PLS3: variants seen among roughly 807,000 people sequenced by gnomAD.
PLS3 encodes the protein plastin-3.
A neutral mutation model predicts 46.5 loss-of-function variants in PLS3; 11 were observed. That is an observed-to-expected ratio of 0.24 (90% CI 0.15 to 0.39). The LOEUF is 0.39. Among genes scored for constraint, PLS3 ranks in the 10% least tolerant of loss-of-function variants. The pLI is 1.00. For synonymous variants in PLS3, 167 were observed against 162.2 expected, an observed-to-expected ratio of 1.03 and a Z score of -0.22; for missense variants, 308 against 461.8, an observed-to-expected ratio of 0.67 and a Z score of 3.05.
chrX:115,600,501 T>G (rs1446043655), intron 1 of PLS3, among the ~76,000 whole-genome samples: 1 of 112,010 alleles, frequency 8.9e-6, no homozygotes, highest in African/African-American at 3.2e-5. Context: ...AAGTTTAGAC[T>G]GTTCTCCAGA....
At chrX:115,569,409 G>A (rs141638601) in intron 1 of PLS3, among the ~76,000 whole-genome samples, 232 of 111,754 alleles carry the variant, frequency 2.1e-3, no homozygotes, top group African/African-American at 7.3e-3. Context: ...ATGACTATTT[G>A]CTGATATGCC....
At chrX:115,591,226 C>T (rs979775878) in intron 1 of PLS3, among the ~76,000 whole-genome samples, 5 of 112,449 alleles carry the variant, frequency 4.4e-5, no homozygotes, top group African/African-American at 1.6e-4. Flanking sequence ...ATGTCTATTC[C>T]TAGAACTTTA....
intron 8 of PLS3, among the ~76,000 whole-genome samples, chrX:115,638,111 A>AT (rs58784493): frequency 0.21 from 22,689 of 106,054 alleles, 2,476 homozygotes; most frequent in South Asian, 0.43. Flanking sequence ...AGCCCGATTG[A>AT]TTTTTTTTTC....
chrX:115,562,428 GTGCAGAAGGTTGAACTTT>G (rs1449822146), intron 1 of PLS3: 38 of 112,073 alleles, frequency 3.4e-4, no homozygotes, highest in Non-Finnish European at 4.3e-4. Context: ...ATCCCCAGTG[GTGCAGAAGGTTGAACTTT>G]TGCAGAAGGT....
chrX:115,648,939 T>C (rs2074978265), intron 15 of PLS3, among the ~76,000 whole-genome samples: 1 of 111,597 alleles, frequency 9.0e-6, no homozygotes, highest in Non-Finnish European at 1.9e-5. Flanking sequence ...TTCTAGTTTT[T>C]GGTCCAGCCA....
intron 10 of PLS3, 30 bp from the exon 11 acceptor site, chrX:115,644,991 A>G (rs369555927): frequency 2.1e-5 from 19 of 914,975 alleles, no homozygotes; most frequent in Non-Finnish European, 2.7e-5. Context: ...TGTTTAATGA[A>G]TCAGTAAATT....
At chrX:115,596,198 C>A (rs147650330) in intron 1 of PLS3, among the ~76,000 whole-genome samples, 2 of 111,791 alleles carry the variant, frequency 1.8e-5, no homozygotes, top group African/African-American at 6.5e-5. Flanking sequence ...AATGTGAAGA[C>A]GTTATTGAAC....
intron 1 of PLS3, among the ~76,000 whole-genome samples, chrX:115,592,862 G>C (rs782122892): frequency 7.2e-5 from 8 of 111,184 alleles, no homozygotes; most frequent in African/African-American, 2.0e-4. Context: ...TTAATAAAGT[G>C]TGGAGCCAGA....
intron 1 of PLS3, among the ~76,000 whole-genome samples, chrX:115,585,701 T>C (rs1469531493): frequency 3.6e-5 from 4 of 111,161 alleles, no homozygotes; most frequent in Admixed American, 9.7e-5. Context: ...AAAAACTTAT[T>C]TTTATGGAAT....
chrX:115,567,149 T>C (rs1403886333), intron 1 of PLS3, among the ~76,000 whole-genome samples: 1 of 112,038 alleles, frequency 8.9e-6, no homozygotes, highest in Non-Finnish European at 1.9e-5. Flanking sequence ...TTTAGTTTTG[T>C]GATTGCCCAT....
chrX:115,630,672 CTA>C (rs201131129), intron 5 of PLS3, among the ~76,000 whole-genome samples: 7 of 96,705 alleles, frequency 7.2e-5, no homozygotes, highest in African/African-American at 1.9e-4. Flanking sequence ...TTTCAGATAA[CTA>C]TATATATATA....
intron 1 of PLS3, among the ~76,000 whole-genome samples, chrX:115,585,971 G>A (rs1312986129): frequency 9.1e-6 from 1 of 109,729 alleles, no homozygotes; most frequent in Admixed American, 9.8e-5. Flanking sequence ...ATTCTTAACC[G>A]CTTATCAGAA....
chrX:115,580,097 C>T (rs781947825), intron 1 of PLS3, among the ~76,000 whole-genome samples: 1 of 112,048 alleles, frequency 8.9e-6, no homozygotes, highest in Non-Finnish European at 1.9e-5. Context: ...ATTCTAGAGT[C>T]TAATTCTTTA....
chrX:115,568,296 C>T (rs1176905571), intron 1 of PLS3, among the ~76,000 whole-genome samples: 1 of 111,650 alleles, frequency 9.0e-6, no homozygotes, highest in Non-Finnish European at 1.9e-5. Context: ...GTAGTGTGTA[C>T]TTTAAAGATG....
rs1372896442 is a variant in PLS3 at position 115,597,288 on chromosome X, C to A, written c.-8-12955C>A. ...CATAACTTTGCAAATAACTCTTCTGCTCTCATCTCTCTTCCCCGCCCTTCT... is the reference window on the plus strand; with the variant it reads ...CATAACTTTGCAAATAACTCTTCTGATCTCATCTCTCTTCCCCGCCCTTCT... On this transcript the variant is annotated intron_variant, in intron 1 of 15. Coordinates refer to ENST00000355899, the MANE Select transcript of PLS3 (RefSeq NM_005032.7). Among the ~76,000 whole-genome samples, 3 of 111,647 alleles carry A rather than the reference C, an allele frequency of 2.7e-5. No homozygotes were observed. In the Admixed American group the frequency reaches 2.9e-4, roughly 11 times the overall value.
At chrX:115,600,686 T>C (rs145056967) in intron 1 of PLS3, among the ~76,000 whole-genome samples, 1,183 of 112,258 alleles carry the variant, frequency 0.011, 15 homozygotes, top group African/African-American at 0.036. Context: ...GAAGTCCCAG[T>C]TAGACTGACT....
intron 2 of PLS3, among the ~76,000 whole-genome samples, chrX:115,615,634 A>AT (rs1177697818): frequency 1.0e-4 from 11 of 108,521 alleles, no homozygotes; most frequent in South Asian, 4.0e-4. Flanking sequence ...CTGCGTAGTG[A>AT]TTTTTTTTTA....
chrX:115,603,880 C>CGGGGTTAAACTTTTATTCA (rs1234497803), intron 1 of PLS3, among the ~76,000 whole-genome samples: 1 of 111,941 alleles, frequency 8.9e-6, no homozygotes, highest in Non-Finnish European at 1.9e-5. Context: ...ATTGTGAAAT[C>CGGGGTTAAACTTTTATTCA]GGGGTTAAAC....
At chrX:115,573,522 G>A (rs1429866850) in intron 1 of PLS3, among the ~76,000 whole-genome samples, 1 of 112,217 alleles carries the variant, frequency 8.9e-6, no homozygotes, top group African/African-American at 3.2e-5. Flanking sequence ...CTGCAGCTGT[G>A]GAAATATTCA....
Sources: allele counts gnomAD v4.1 joint callset (sites outside exome capture counted in the v4.1 genomes callset), GRCh38; gene constraint gnomAD v4.1.1; transcripts MANE v1.5; gene names NCBI Gene and HGNC (gene_info 2026-07-23, HGNC 2026-07-21).